LONRF2: variants seen among roughly 807,000 people sequenced by gnomAD.
LONRF2 encodes the protein LON peptidase N-terminal domain and RING finger protein 2.
LONRF2 carries 35 observed loss-of-function variants against 66.6 expected under a neutral mutation model. That is an observed-to-expected ratio of 0.53 (90% CI 0.40 to 0.70). The LOEUF (loss-of-function observed/expected upper bound fraction) is 0.70, where lower values mean the gene tolerates loss of function less well. LONRF2 is among the 30% of genes least tolerant of loss of function. The pLI is 0.00. For missense variants in LONRF2, 902 were observed against 1,002.1 expected (o/e 0.90, Z 1.35); for synonymous variants, 417 against 418.1 (o/e 1.00, Z 0.03).
At chr2:100,301,618 G>A (rs979557926) in intron 3 of LONRF2, among the ~76,000 whole-genome samples, 3 of 152,208 alleles carry the variant, frequency 2.0e-5, no homozygotes, top group Admixed American at 2.0e-4. Context: ...GGCTAACATT[G>A]TTTTTGGTAC....
At chr2:100,313,926 AAATT>A (rs780437799) in intron 1 of LONRF2, among the ~76,000 whole-genome samples, 3 of 152,174 alleles carry the variant, frequency 2.0e-5, no homozygotes, top group Non-Finnish European at 2.9e-5. Flanking sequence ...TAATATTTTT[AAATT>A]AATATTTTAA....
At chr2:100,291,376 G>A (rs1674956591) in intron 9 of LONRF2, among the ~76,000 whole-genome samples, 1 of 152,074 alleles carries the variant, frequency 6.6e-6, no homozygotes, top group Non-Finnish European at 1.5e-5. Context: ...GCTGGTGCTG[G>A]TTGCTGGGGC....
intron 9 of LONRF2, 144 bp downstream of exon 9, chr2:100,294,085 T>C: frequency 1.2e-6 from 1 of 861,632 alleles, no homozygotes; most frequent in Admixed American, 2.8e-5. Context: ...TGGGACTGCA[T>C]TGTGGGCAGC....
intron 1 of LONRF2, among the ~76,000 whole-genome samples, chr2:100,311,031 T>A (rs542648260): frequency 6.6e-6 from 1 of 152,300 alleles, no homozygotes; most frequent in African/African-American, 2.4e-5. Context: ...AACATGAGAT[T>A]TTATGTATTT....
At chr2:100,302,680 A>G (rs1675209350) in intron 3 of LONRF2, among the ~76,000 whole-genome samples, 1 of 152,226 alleles carries the variant, frequency 6.6e-6, no homozygotes, top group African/African-American at 2.4e-5. Context: ...TGTCAACAGA[A>G]TCGAGGCATG....
In LONRF2 at chr2:100,303,058, G is replaced by C; in HGVS notation, c.799-15C>G. The C allele has an allele frequency of 6.4e-7, 1 of 1,569,788 alleles. No homozygotes were observed. The highest frequency in any genetic ancestry group is 8.6e-7 in the Non-Finnish European group (1 of 1,158,150). The stretch of plus-strand genomic sequence containing the variant: ...ACTTGATGTCCCTAGATTCACCGAA[G>C]ACAAAGTGTACATTTTTAAAACCCA... On this transcript the variant is annotated splice_polypyrimidine_tract_variant and intron_variant, in intron 2 of 11. Transcript: ENST00000393437.
rs1287156471 is a variant in LONRF2 at position 100,273,467 on chromosome 2, AT to A, written c.*10830del. 6.6e-6 allele frequency: 1 copy of A among 152,254 alleles called. No homozygotes were observed. Among genetic ancestry groups the A allele is most frequent in the African/African-American group, 2.4e-5 (1 of 41,468 alleles). 9.4% of individuals were successfully genotyped at this position (152,254 alleles called of 1,614,324 possible). The stretch of plus-strand genomic sequence containing the variant: ...GAACATTTACAACACTGTAAGTTTT[AT>A]TCAGTTCAAATATCACATATTAGAT... On this transcript the variant is annotated 3_prime_UTR_variant, in exon 12 of 12. Transcript: ENST00000393437.
At chr2:100,285,432 A>C (rs983354982) in intron 11 of LONRF2, among the ~76,000 whole-genome samples, 1 of 152,212 alleles carries the variant, frequency 6.6e-6, no homozygotes, top group African/African-American at 2.4e-5. Context: ...AAAAAAACTG[A>C]GTAGCACGCT....
chr2:100,285,088 A>G (rs911679363), intron 11 of LONRF2, among the ~76,000 whole-genome samples: 1 of 152,380 alleles, frequency 6.6e-6, no homozygotes, highest in Middle Eastern at 3.4e-3. Flanking sequence ...AAAGCCGATC[A>G]TAAACTCGTT....
intron 6 of LONRF2, 35 bp from the exon 7 acceptor site, chr2:100,298,985 C>T: frequency 3.3e-6 from 5 of 1,494,586 alleles, no homozygotes; most frequent in Non-Finnish European, 4.7e-6. Flanking sequence ...CCAGAAATGT[C>T]CAGGACAGAC....
intron 2 of LONRF2, among the ~76,000 whole-genome samples, chr2:100,305,928 G>A (rs12990688): frequency 0.45 from 67,970 of 151,826 alleles, 15,968 homozygotes; most frequent in East Asian, 0.71. Context: ...TCGCTCTGTC[G>A]CCCAGGCTGG....
At chr2:100,296,153 G>A (rs1675061839) in intron 7 of LONRF2, among the ~76,000 whole-genome samples, 1 of 152,118 alleles carries the variant, frequency 6.6e-6, no homozygotes, top group African/African-American at 2.4e-5. Context: ...TGGGATCGGT[G>A]GGTGGAAGGG....
intron 2 of LONRF2, among the ~76,000 whole-genome samples, chr2:100,304,587 T>A (rs565023538): frequency 6.6e-6 from 1 of 151,894 alleles, no homozygotes; most frequent in East Asian, 1.9e-4. Flanking sequence ...GTGGAAAATA[T>A]AATATCTGGG....
intron 1 of LONRF2, among the ~76,000 whole-genome samples, chr2:100,318,537 G>A (rs1675554926): frequency 6.6e-6 from 1 of 152,072 alleles, no homozygotes; most frequent in Non-Finnish European, 1.5e-5. Context: ...TAATAAATAA[G>A]CATCAGACAT....
At chr2:100,319,035 CAGG>C (rs1675569413) in intron 1 of LONRF2, among the ~76,000 whole-genome samples, 1 of 150,824 alleles carries the variant, frequency 6.6e-6, no homozygotes, top group South Asian at 2.1e-4. Context: ...GAGGCTGAGG[CAGG>C]AGAATTGCTT....
rs140672474 is a variant in LONRF2 at position 100,285,731 on chromosome 2, C to T, written c.2070+1183G>A. ...AGCCGAGGAATGCCGCCAGCCTCTACAAGCTGCAGAGACAAGGAAACAGAC... is the reference window on the plus strand; with the variant it reads ...AGCCGAGGAATGCCGCCAGCCTCTATAAGCTGCAGAGACAAGGAAACAGAC... On this transcript the variant is annotated intron_variant, in intron 11 of 11. Coordinates refer to ENST00000393437, the MANE Select transcript of LONRF2 (RefSeq NM_198461.4). Among the ~76,000 whole-genome samples the T allele has an allele frequency of 6.8e-4, 104 of 152,306 alleles. 1 individual carries two copies. The East Asian group carries it at 0.018, about 27-fold the overall frequency.
At chr2:100,311,731 C>A (rs369863321) in intron 1 of LONRF2, among the ~76,000 whole-genome samples, 35 of 152,206 alleles carry the variant, frequency 2.3e-4, no homozygotes, top group African/African-American at 7.7e-4. Flanking sequence ...CTCTCCCATT[C>A]CTAGTTTTCT....
intron 11 of LONRF2, among the ~76,000 whole-genome samples, chr2:100,285,434 T>C (rs2105713269): frequency 6.6e-6 from 1 of 152,278 alleles, no homozygotes; most frequent in Admixed American, 6.5e-5. Context: ...AAAAACTGAG[T>C]AGCACGCTTA....
intron 2 of LONRF2, among the ~76,000 whole-genome samples, chr2:100,306,829 ACTT>A (rs1157414455): frequency 6.6e-6 from 1 of 151,132 alleles, no homozygotes; most frequent in Non-Finnish European, 1.5e-5. Context: ...TTCCAATGGC[ACTT>A]CTTCCCCAAT....
Sources: allele counts gnomAD v4.1 joint callset (sites outside exome capture counted in the v4.1 genomes callset), GRCh38; gene constraint gnomAD v4.1.1; transcripts MANE v1.5; gene names NCBI Gene and HGNC (gene_info 2026-07-23, HGNC 2026-07-21).